The following CLDN9 variants were observed in gnomAD, a reference collection of about 807,000 sequenced individuals.
The protein encoded by CLDN9 is claudin-9.
A neutral mutation model predicts 10.1 loss-of-function variants in CLDN9; 14 were observed. The ratio of observed to expected loss-of-function variants is 1.38; its 90% confidence interval spans 0.91 to 2.16. The LOEUF is 2.16. CLDN9 is among the 30% of genes most tolerant of loss of function. The pLI, the probability that CLDN9 is intolerant of heterozygous loss-of-function variation, is 0.00. For missense variants in CLDN9, 332 were observed against 294.8 expected (o/e 1.13, Z -0.93); for synonymous variants, 162 against 143.1 (o/e 1.13, Z -0.95).
Position 3,013,265 on chromosome 16 carries a change from C to A in CLDN9, c.-98C>A. On this transcript the variant is annotated 5_prime_UTR_variant, in exon 1 of 1. Transcript: ENST00000445369. The surrounding 1 kb of genome is among the most constrained non-coding windows in gnomAD (Gnocchi z 6.4). Reference sequence around the variant, plus strand: ...CTTGGGGACACCAACAAGCCTTCCCCCTCCTGCTGGACACAGAGACACCCA... The same window carrying A: ...CTTGGGGACACCAACAAGCCTTCCCACTCCTGCTGGACACAGAGACACCCA... The A allele has an allele frequency of 2.2e-6, 3 of 1,391,406 alleles. No homozygotes were observed. The highest frequency in any genetic ancestry group is 2.9e-6 in the Non-Finnish European group (3 of 1,039,370). 86.2% of individuals were successfully genotyped at this position (1,391,406 alleles called of 1,614,324 possible). A position where few individuals can be genotyped will look rare whatever the true frequency, so the allele number is the denominator to read the frequency against.
At position 3,014,055 on chromosome 16, in the gene CLDN9, C is replaced by A. The variant is rs1466834077; in HGVS notation, c.*39C>A. 1 of 1,506,640 alleles carries A rather than the reference C, an allele frequency of 6.6e-7. No homozygotes were observed. Among genetic ancestry groups the A allele is most frequent in the Non-Finnish European group, 8.9e-7 (1 of 1,127,330 alleles). The allele number at this position is 1,506,640 out of a possible 1,614,324, so 93.3% of individuals were successfully genotyped here. On this transcript the variant is annotated 3_prime_UTR_variant, in exon 1 of 1. Coordinates refer to ENST00000445369, the MANE Select transcript of CLDN9 (RefSeq NM_020982.4). ...CCTGGGAGCCCACTGCTCCCCACTG[C>A]CCCGCCCTTTCGACCTTGGCCTGAT...
rs2151123842 is a variant in CLDN9, at chr16:3,013,653, G to A, written c.291G>A (p.Val97=). The part of the protein sequence containing the change: ...ALLLALLGLL[V]AITGAQCTTC... The stretch of plus-strand genomic sequence containing the variant: ...TGCTGGCCCTGCTTGGCCTCCTGGT[G>A]GCCATCACAGGTGCCCAGTGTACCA... The change falls in exon 1 of 1, where the codon GTG becomes GTA. Residue 97 remains valine (V), a synonymous_variant. Coordinates refer to ENST00000445369, the MANE Select transcript of CLDN9 (RefSeq NM_020982.4). This position sits in a 1 kb window ranked among gnomAD's most constrained non-coding sequence, Gnocchi z 6.4. 6.2e-7 allele frequency: 1 copy of A among 1,613,954 alleles called. No individual in the cohort carries two copies. The highest frequency in any genetic ancestry group is 8.5e-7 in the Non-Finnish European group (1 of 1,180,004).
In CLDN9 at chr16:3,013,793, T is replaced by A; in HGVS notation, c.431T>A (p.Ile144Asn). The stretch of plus-strand genomic sequence containing the variant: ...GTGTGCTGGACGGCGCACGCCATCA[T>A]CCAGGACTTCTACAACCCCCTGGTG... Reference protein sequence around the residue: ...IPVCWTAHAIIQDFYNPLVAE... With the variant: ...IPVCWTAHAINQDFYNPLVAE... The change falls in exon 1 of 1, where the codon ATC (isoleucine) becomes AAC (asparagine). Residue 144 changes from isoleucine (I) to asparagine (N), a missense_variant. By Grantham distance (149) the Ile-to-Asn change is moderately radical. Coordinates refer to ENST00000445369, the MANE Select transcript of CLDN9 (RefSeq NM_020982.4). This position sits in a 1 kb window ranked among gnomAD's most constrained non-coding sequence, Gnocchi z 6.4. 6.2e-7 allele frequency: 1 copy of A among 1,613,210 alleles called. No individual in the cohort carries two copies. Among genetic ancestry groups the A allele is most frequent in the Non-Finnish European group, 8.5e-7 (1 of 1,179,964 alleles).
Position 3,014,324 on chromosome 16 carries a change from C to G in CLDN9, c.*308C>G. Reference sequence around the variant, plus strand: ...GACACTGGCTGGCCTTCCTTCTCTTCTGAGCCCTCCCCTGCCCCAGGAACC... The same window carrying G: ...GACACTGGCTGGCCTTCCTTCTCTTGTGAGCCCTCCCCTGCCCCAGGAACC... On this transcript the variant is annotated 3_prime_UTR_variant, in exon 1 of 1. Coordinates refer to ENST00000445369, the MANE Select transcript of CLDN9 (RefSeq NM_020982.4). 1 of 292,480 alleles carries G rather than the reference C, an allele frequency of 3.4e-6. No homozygotes were observed. Among genetic ancestry groups the G allele is most frequent in the South Asian group, 1.2e-4 (1 of 8,686 alleles). The allele number at this position is 292,480 out of a possible 1,614,324, so 18.1% of individuals were successfully genotyped here.
In CLDN9 at chr16:3,014,024, G is replaced by A. The variant is rs2072548605; in HGVS notation, c.*8G>A. On this transcript the variant is annotated 3_prime_UTR_variant, in exon 1 of 1. Coordinates refer to ENST00000445369, the MANE Select transcript of CLDN9 (RefSeq NM_020982.4). The stretch of plus-strand genomic sequence containing the variant: ...AAGAGGGACTACGTGTGAGGCGGAG[G>A]TTTCCCCTGGGAGCCCACTGCTCCC... 2.6e-6 allele frequency: 4 copies of A among 1,512,114 alleles called. No homozygotes were observed. Among genetic ancestry groups the A allele is most frequent in the African/African-American group, 1.4e-5 (1 of 71,668 alleles). 93.7% of individuals were successfully genotyped at this position (1,512,114 alleles called of 1,614,324 possible).
chr16:3,013,003 G>A lies in CLDN9; in HGVS notation c.-360G>A. 3.7e-6 allele frequency: 1 copy of A among 272,036 alleles called. No individual in the cohort carries two copies. The allele number at this position is 272,036 out of a possible 1,614,324, so 16.9% of individuals were successfully genotyped here. ...AGGAGACGTGGCTGTCCTCAGCCTG[G>A]CAGTGCGTCTGGAGGGCCTGTGCGA... On this transcript the variant is annotated 5_prime_UTR_variant, in exon 1 of 1. Transcript: ENST00000445369. The surrounding 1 kb of genome is among the most constrained non-coding windows in gnomAD (Gnocchi z 6.4).
At position 3,014,266 on chromosome 16, in the gene CLDN9, C is replaced by T. The variant is rs2072550278; in HGVS notation, c.*250C>T. ...TGTTGGGAACCCTGGCCTGCCCCCA[C>T]CTCCCCAGTAATTGTTTCCTTCCGT... On this transcript the variant is annotated 3_prime_UTR_variant, in exon 1 of 1. Transcript: ENST00000445369. 1 of 430,662 alleles carries T rather than the reference C, an allele frequency of 2.3e-6. No homozygotes were observed. Among genetic ancestry groups the T allele is most frequent in the East Asian group, 3.6e-5 (1 of 27,726 alleles). The allele number at this position is 430,662 out of a possible 1,614,324, so 26.7% of individuals were successfully genotyped here. A position where few individuals can be genotyped will look rare whatever the true frequency, so the allele number is the denominator to read the frequency against.
Position 3,013,576 on chromosome 16 carries a change from G to T in CLDN9, c.214G>T (p.Ala72Ser). Residue 72 changes from alanine to serine, a missense_variant, in exon 1 of 1, where the codon GCT becomes TCT. Coordinates refer to ENST00000445369, the MANE Select transcript of CLDN9 (RefSeq NM_020982.4). The surrounding 1 kb of genome is among the most constrained non-coding windows in gnomAD (Gnocchi z 6.4). ...GTGCAAGGTGTACGACTCACTGCTG[G>T]CTCTGCCGCAGGACCTGCAGGCCGC... ...MQCKVYDSLLALPQDLQAARA... is the reference protein window; with the variant it reads ...MQCKVYDSLLSLPQDLQAARA... 1.2e-6 allele frequency: 2 copies of T among 1,613,972 alleles called. No individual in the cohort carries two copies. Among genetic ancestry groups the T allele is most frequent in the Non-Finnish European group, 1.7e-6 (2 of 1,180,000 alleles).
At position 3,014,020 on chromosome 16, in the gene CLDN9, G is replaced by A. The variant is rs938445214; in HGVS notation, c.*4G>A. 34 of 1,512,574 alleles carry A rather than the reference G, an allele frequency of 2.2e-5. No individual in the cohort carries two copies. Among genetic ancestry groups the A allele is most frequent in the Non-Finnish European group, 2.6e-5 (29 of 1,131,604 alleles). 93.7% of individuals were successfully genotyped at this position (1,512,574 alleles called of 1,614,324 possible). ...GGACAAGAGGGACTACGTGTGAGGC[G>A]GAGGTTTCCCCTGGGAGCCCACTGC... is the stretch of plus-strand genomic sequence containing the variant. On this transcript the variant is annotated 3_prime_UTR_variant, in exon 1 of 1. Coordinates refer to ENST00000445369, the MANE Select transcript of CLDN9 (RefSeq NM_020982.4).
Position 3,014,006 on chromosome 16 carries a change from A to C in CLDN9, c.644A>C (p.Asp215Ala), listed in dbSNP as rs755885384. 1 of 1,515,284 alleles carries C rather than the reference A, an allele frequency of 6.6e-7. No homozygotes were observed. The highest frequency in any genetic ancestry group is 8.8e-7 in the Non-Finnish European group (1 of 1,133,524). 93.9% of individuals were successfully genotyped at this position (1,515,284 alleles called of 1,614,324 possible). The change falls in exon 1 of 1, where the codon GAC (aspartate) becomes GCC (alanine). Residue 215 changes from aspartate to alanine, a missense_variant. Coordinates refer to ENST00000445369, the MANE Select transcript of CLDN9 (RefSeq NM_020982.4). ...RSGASGLDKR[D>A]YV The stretch of plus-strand genomic sequence containing the variant: ...GGTGCATCTGGACTGGACAAGAGGG[A>C]CTACGTGTGAGGCGGAGGTTTCCCC...
At position 3,014,316 on chromosome 16, in the gene CLDN9, C is replaced by G; in HGVS notation, c.*300C>G. The G allele has an allele frequency of 3.2e-6, 1 of 316,062 alleles. No individual in the cohort carries two copies. The highest frequency in any genetic ancestry group is 6.1e-6 in the Non-Finnish European group (1 of 163,190). The allele number at this position is 316,062 out of a possible 1,614,324, so 19.6% of individuals were successfully genotyped here. A position where few individuals can be genotyped will look rare whatever the true frequency, so the allele number is the denominator to read the frequency against. ...TTGCCCAGGACACTGGCTGGCCTTC[C>G]TTCTCTTCTGAGCCCTCCCCTGCCC... On this transcript the variant is annotated 3_prime_UTR_variant, in exon 1 of 1. Transcript: ENST00000445369.
chr16:3,013,940 C>G lies in CLDN9; in HGVS notation c.578C>G (p.Pro193Arg). 1 of 1,575,168 alleles carries G rather than the reference C, an allele frequency of 6.3e-7. No homozygotes were observed. The highest frequency in any genetic ancestry group is 8.6e-7 in the Non-Finnish European group (1 of 1,163,810). ...TGCCCCCCGCCCCAGGTCGAGCGGC[C>G]CCGCGGACCTCGGCTGGGCTACTCC... ...CTCPPPQVERPRGPRLGYSIP... is the reference protein window; with the variant it reads ...CTCPPPQVERRRGPRLGYSIP... Residue 193 changes from proline (P) to arginine (R), a missense_variant, in exon 1 of 1, where the codon CCC (proline) becomes CGC (arginine). Transcript: ENST00000445369. The surrounding 1 kb of genome is among the most constrained non-coding windows in gnomAD (Gnocchi z 6.4).
In CLDN9 at chr16:3,014,125, C is replaced by T. The variant is rs2072549381; in HGVS notation, c.*109C>T. On this transcript the variant is annotated 3_prime_UTR_variant, in exon 1 of 1. Coordinates refer to ENST00000445369, the MANE Select transcript of CLDN9 (RefSeq NM_020982.4). ...TCACAACCTCCTTCCCCAGGAAAACCCACTTTCCAAAAGCCCAAGCTACAC... is the reference window on the plus strand; with the variant it reads ...TCACAACCTCCTTCCCCAGGAAAACTCACTTTCCAAAAGCCCAAGCTACAC... The T allele has an allele frequency of 7.8e-7, 1 of 1,289,084 alleles. No individual in the cohort carries two copies. The highest frequency in any genetic ancestry group is 1.1e-6 in the Non-Finnish European group (1 of 949,772). 79.9% of individuals were successfully genotyped at this position (1,289,084 alleles called of 1,614,324 possible).
rs368045321 is a variant in CLDN9, at chr16:3,013,437, C to G, written c.75C>G (p.Cys25Trp). ...GCTGGCTGGGGACCCTGGTGTCCTG[C>G]GCCCTGCCCCTGTGGAAGGTGACCG... Reference protein sequence around the residue: ...VLGWLGTLVSCALPLWKVTAF... With the variant: ...VLGWLGTLVSWALPLWKVTAF... Residue 25 changes from cysteine (C) to tryptophan (W), a missense_variant, in exon 1 of 1, where the codon TGC becomes TGG. By Grantham distance (215) the Cys-to-Trp change is radical (BLOSUM62 -2). Coordinates refer to ENST00000445369, the MANE Select transcript of CLDN9 (RefSeq NM_020982.4). This position sits in a 1 kb window ranked among gnomAD's most constrained non-coding sequence, Gnocchi z 6.4. 1.3e-5 allele frequency: 21 copies of G among 1,613,932 alleles called. No individual in the cohort carries two copies. The East Asian group carries it at 1.3e-4, about 10-fold the overall frequency.
At position 3,013,873 on chromosome 16, in the gene CLDN9, G is replaced by C; in HGVS notation, c.511G>C (p.Ala171Pro). Residue 171 changes from alanine to proline, a missense_variant, in exon 1 of 1, where the codon GCT becomes CCT. By Grantham distance (27) the Ala-to-Pro change is conservative. Transcript: ENST00000445369. This position sits in a 1 kb window ranked among gnomAD's most constrained non-coding sequence, Gnocchi z 6.4. ...GASLYLGWAA[A>P]ALLMLGGGLL... ...CTCCCTCTACCTGGGCTGGGCGGCG[G>C]CTGCACTGCTTATGCTGGGCGGGGG... is the stretch of plus-strand genomic sequence containing the variant. 1.2e-6 allele frequency: 2 copies of C among 1,611,892 alleles called. No homozygotes were observed. The highest frequency in any genetic ancestry group is 1.7e-6 in the Non-Finnish European group (2 of 1,179,628).
rs752351415 is a variant in CLDN9 at position 3,013,834 on chromosome 16, C to T, written c.472C>T (p.Arg158Trp). ...YNPLVAEALKRELGASLYLGW... is the reference protein window; with the variant it reads ...YNPLVAEALKWELGASLYLGW... Reference sequence around the variant, plus strand: ...CCCCCTGGTGGCTGAGGCCCTCAAGCGGGAGCTGGGGGCCTCCCTCTACCT... The same window carrying T: ...CCCCCTGGTGGCTGAGGCCCTCAAGTGGGAGCTGGGGGCCTCCCTCTACCT... Residue 158 changes from arginine (R) to tryptophan (W), a missense_variant, in exon 1 of 1, where the codon CGG becomes TGG. Physicochemically the swap from Arg to Trp is moderately radical, Grantham distance 101 (BLOSUM62 -3). Transcript: ENST00000445369. This position sits in a 1 kb window ranked among gnomAD's most constrained non-coding sequence, Gnocchi z 6.4. The T allele has an allele frequency of 2.7e-5, 44 of 1,612,556 alleles. No homozygotes were observed. Among genetic ancestry groups the T allele is most frequent in the South Asian group, 6.6e-5 (6 of 91,092 alleles).
chr16:3,013,644 C>T lies in CLDN9; in HGVS notation c.282C>T (p.Gly94=), dbSNP rs1596467456. Residue 94 remains glycine, a synonymous_variant, in exon 1 of 1, where the codon GGC becomes GGT. Transcript: ENST00000445369. This position sits in a 1 kb window ranked among gnomAD's most constrained non-coding sequence, Gnocchi z 6.4. ...TTGCCCTCCTGCTGGCCCTGCTTGG[C>T]CTCCTGGTGGCCATCACAGGTGCCC... ...CVIALLLALL[G]LLVAITGAQC... 6.2e-7 allele frequency: 1 copy of T among 1,614,006 alleles called. No homozygotes were observed. Among genetic ancestry groups the T allele is most frequent in the Non-Finnish European group, 8.5e-7 (1 of 1,180,000 alleles).
At position 3,013,456 on chromosome 16, in the gene CLDN9, G is replaced by T. The variant is rs1207223082; in HGVS notation, c.94G>T (p.Val32Leu). 6.2e-7 allele frequency: 1 copy of T among 1,614,130 alleles called. No individual in the cohort carries two copies. Residue 32 changes from valine to leucine, a missense_variant, in exon 1 of 1, where the codon GTG (valine) becomes TTG (leucine). Transcript: ENST00000445369. The surrounding 1 kb of genome is among the most constrained non-coding windows in gnomAD (Gnocchi z 6.4). The stretch of plus-strand genomic sequence containing the variant: ...GTCCTGCGCCCTGCCCCTGTGGAAG[G>T]TGACCGCCTTCATCGGCAACAGCAT... ...LVSCALPLWK[V>L]TAFIGNSIVV...
At position 3,013,714 on chromosome 16, in the gene CLDN9, G is replaced by A. The variant is rs780797887; in HGVS notation, c.352G>A (p.Val118Met). Residue 118 changes from valine (V) to methionine (M), a missense_variant, in exon 1 of 1, where the codon GTG becomes ATG. Coordinates refer to ENST00000445369, the MANE Select transcript of CLDN9 (RefSeq NM_020982.4). This position sits in a 1 kb window ranked among gnomAD's most constrained non-coding sequence, Gnocchi z 6.4. Reference sequence around the variant, plus strand: ...GGACGAAGGTGCCAAGGCCCGTATCGTGCTCACCGCGGGGGTCATCCTCCT... The same window carrying A: ...GGACGAAGGTGCCAAGGCCCGTATCATGCTCACCGCGGGGGTCATCCTCCT... ...VEDEGAKARI[V>M]LTAGVILLLA... 16 of 1,613,646 alleles carry A rather than the reference G, an allele frequency of 9.9e-6. No individual in the cohort carries two copies. The highest frequency in any genetic ancestry group is 4.5e-5 in the East Asian group (2 of 44,884).
Sources: allele counts gnomAD v4.1 joint callset, GRCh38; gene constraint gnomAD v4.1.1; non-coding constraint Gnocchi (gnomAD v3.1); transcripts MANE v1.5; gene names NCBI Gene and HGNC (gene_info 2026-07-23, HGNC 2026-07-21).